The following ASZ1 variants were observed in gnomAD, a reference collection of about 807,000 sequenced individuals.
ASZ1 encodes the protein ankyrin repeat, SAM and basic leucine zipper domain containing 1.
ASZ1 carries 67 observed loss-of-function variants against 61.8 expected under a neutral mutation model. The observed-to-expected ratio is 1.08, with a 90% CI of 0.89 to 1.33. The LOEUF is 1.33. Ranked by LOEUF, ASZ1 falls within the 40% of genes most tolerant of loss-of-function variation. The pLI is 0.00. For missense variants in ASZ1, 577 were observed against 554.5 expected, an observed-to-expected ratio of 1.04 and a Z score of -0.41; for synonymous variants, 193 against 192.7, an observed-to-expected ratio of 1.00 and a Z score of -0.01.
chr7:117,410,285 A>G (rs966610544), intron 4 of ASZ1, among the ~76,000 whole-genome samples: 8 of 151,788 alleles, frequency 5.3e-5, no homozygotes, highest in African/African-American at 1.9e-4. Flanking sequence ...ATCTTATACC[A>G]TAAATGAAAA....
intron 7 of ASZ1, 137 bp downstream of exon 7, chr7:117,382,849 A>T: frequency 2.0e-6 from 2 of 1,016,138 alleles, no homozygotes; most frequent in South Asian, 5.9e-5. Context: ...GGAGAACACT[A>T]AAAACCCAGA....
At chr7:117,382,168 A>G in intron 7 of ASZ1, 24 bp from the exon 8 acceptor site, 2 of 1,382,482 alleles carry the variant, frequency 1.4e-6, no homozygotes, top group Non-Finnish European at 2.0e-6. Context: ...TAGCAATGTC[A>G]ATTTCAGAAC....
intron 3 of ASZ1, 99 bp downstream of exon 3, chr7:117,422,138 C>T (rs1562862189): frequency 1.5e-6 from 2 of 1,350,340 alleles, no homozygotes; most frequent in East Asian, 4.7e-5. Context: ...AGAAAGGTTA[C>T]TTCAAATGGC....
chr7:117,385,961 C>T (rs1796348051), intron 4 of ASZ1, 152 bp from the exon 5 acceptor site: 1 of 648,578 alleles, frequency 1.5e-6, no homozygotes. Flanking sequence ...AAAATCCAAC[C>T]TTCCTGCAAG....
chr7:117,416,009 G>A (rs1796984435), intron 4 of ASZ1, among the ~76,000 whole-genome samples: 1 of 152,066 alleles, frequency 6.6e-6, no homozygotes, highest in Non-Finnish European at 1.5e-5. Context: ...TGGCCAACAT[G>A]GTGAAACCCC....
At chr7:117,379,868 G>T in intron 10 of ASZ1, 70 bp downstream of exon 10, 1 of 1,032,414 alleles carries the variant, frequency 9.7e-7, no homozygotes, top group Non-Finnish European at 1.4e-6. Context: ...CAGACATTAT[G>T]AAAATTAAAC....
chr7:117,387,144 T>A (rs1473898856), intron 4 of ASZ1, among the ~76,000 whole-genome samples: 2 of 121,804 alleles, frequency 1.6e-5, no homozygotes, highest in Non-Finnish European at 1.7e-5. Flanking sequence ...TACCTCTACT[T>A]AAAAAAAAAA....
intron 4 of ASZ1, among the ~76,000 whole-genome samples, chr7:117,411,954 A>C (rs1461836200): frequency 6.6e-6 from 1 of 151,792 alleles, no homozygotes; most frequent in African/African-American, 2.4e-5. Flanking sequence ...CAGTACATTA[A>C]TAATAAGGAA....
At chr7:117,386,924 C>T (rs1387720585) in intron 4 of ASZ1, among the ~76,000 whole-genome samples, 1 of 151,926 alleles carries the variant, frequency 6.6e-6, no homozygotes, top group African/African-American at 2.4e-5. Context: ...CTTGAATATC[C>T]CTTACATAGT....
chr7:117,401,512 A>G (rs1796680624), intron 4 of ASZ1, among the ~76,000 whole-genome samples: 2 of 152,132 alleles, frequency 1.3e-5, no homozygotes, highest in South Asian at 2.1e-4. Context: ...ACTGGCTCCA[A>G]TAGGGATGGC....
chr7:117,403,675 A>G (rs1338582245), intron 4 of ASZ1, among the ~76,000 whole-genome samples: 8 of 152,008 alleles, frequency 5.3e-5, no homozygotes, highest in Non-Finnish European at 1.2e-4. Context: ...TTTACTATCT[A>G]TTGCTGTTAT....
intron 4 of ASZ1, among the ~76,000 whole-genome samples, chr7:117,412,775 A>G (rs1043647217): frequency 6.6e-6 from 1 of 151,584 alleles, no homozygotes; most frequent in Admixed American, 6.6e-5. Flanking sequence ...ATGTAAAAAA[A>G]AAATCTTTTT....
chr7:117,371,816 G>A (rs1486191122), intron 10 of ASZ1, among the ~76,000 whole-genome samples: 2 of 152,146 alleles, frequency 1.3e-5, no homozygotes, highest in Non-Finnish European at 2.9e-5. Flanking sequence ...ATCATTGGAA[G>A]TATCAACTGA....
intron 4 of ASZ1, among the ~76,000 whole-genome samples, chr7:117,398,506 A>G (rs1485044192): frequency 6.6e-6 from 1 of 152,204 alleles, no homozygotes; most frequent in Non-Finnish European, 1.5e-5. Context: ...GCCACTATAA[A>G]AGAGAGAAGT....
At chr7:117,383,198 A>C in intron 6 of ASZ1, 88 bp from the exon 7 acceptor site, 1 of 1,322,538 alleles carries the variant, frequency 7.6e-7, no homozygotes, top group Non-Finnish European at 9.8e-7. Context: ...ATTATCTCAT[A>C]TCCAGAAAGG....
chr7:117,382,090 T>A lies in ASZ1; in HGVS notation c.867A>T (p.Glu289Asp), dbSNP rs1309840059. The change falls in exon 8 of 13, where the codon GAA becomes GAT. Residue 289 changes from glutamate to aspartate, a missense_variant. Coordinates refer to ENST00000284629, the MANE Select transcript of ASZ1 (RefSeq NM_130768.3). Reference sequence around the variant, plus strand: ...TTACCTTTAGTAAATCTGTCATATGTTCAAGTCCAAGACCATGTAAAAATA... The same window carrying A: ...TTACCTTTAGTAAATCTGTCATATGATCAAGTCCAAGACCATGTAAAAATA... ...LEVFLHGLGL[E>D]HMTDLLKERD... 1.3e-6 allele frequency: 2 copies of A among 1,594,598 alleles called. No individual in the cohort carries two copies. Among genetic ancestry groups the A allele is most frequent in the Non-Finnish European group, 1.7e-6 (2 of 1,162,776 alleles).
intron 2 of ASZ1, among the ~76,000 whole-genome samples, chr7:117,424,333 C>T (rs188715682): frequency 2.6e-4 from 39 of 152,024 alleles, no homozygotes; most frequent in Admixed American, 2.5e-3. Context: ...CTTTGAAAGG[C>T]AAAAAATTAA....
intron 4 of ASZ1, among the ~76,000 whole-genome samples, chr7:117,409,455 CCTTG>C (rs1376971370): frequency 6.6e-6 from 1 of 151,580 alleles, no homozygotes; most frequent in Non-Finnish European, 1.5e-5. Flanking sequence ...CAGAAAAGTC[CCTTG>C]CTTTATTTTA....
intron 4 of ASZ1, among the ~76,000 whole-genome samples, chr7:117,397,894 G>A (rs983122743): frequency 2.6e-5 from 4 of 152,220 alleles, no homozygotes; most frequent in Non-Finnish European, 5.9e-5. Flanking sequence ...AGTCCACTCT[G>A]GCCTCTGGTT....
Sources: allele counts gnomAD v4.1 joint callset (sites outside exome capture counted in the v4.1 genomes callset), GRCh38; gene constraint gnomAD v4.1.1; transcripts MANE v1.5; gene names NCBI Gene and HGNC (gene_info 2026-07-23, HGNC 2026-07-21).